NAV3: variants seen among roughly 807,000 people sequenced by gnomAD.
NAV3 encodes the protein neuron navigator 3, also known as pore membrane and/or filament interacting like protein 1.
NAV3 carries 87 observed loss-of-function variants against 244.7 expected under a neutral mutation model. That is an observed-to-expected ratio of 0.36 (90% CI 0.30 to 0.42). NAV3 has a LOEUF of 0.42. Ranked by LOEUF, NAV3 falls within the 20% of genes least tolerant of loss-of-function variation. The probability of loss-of-function intolerance (pLI) is 1.00; values close to 1 mark genes in which losing one functional copy is unlikely to be tolerated. For synonymous variants in NAV3, 1,126 were observed against 1,042.2 expected (o/e 1.08, Z -1.55); for missense variants, 2,663 against 2,893.3 (o/e 0.92, Z 1.83).
chr12:78,040,551 A>C (rs2137072358), intron 9 of NAV3, among the ~76,000 whole-genome samples: 1 of 152,308 alleles, frequency 6.6e-6, no homozygotes, highest in Non-Finnish European at 1.5e-5. Context: ...TTAATATGAA[A>C]AGATGGAACA....
At chr12:77,993,219 T>C (rs968317526) in intron 5 of NAV3, among the ~76,000 whole-genome samples, 2 of 152,304 alleles carry the variant, frequency 1.3e-5, no homozygotes, top group African/African-American at 4.8e-5. Context: ...AAAGAAAATA[T>C]ATTGTTTCAT....
intron 1 of NAV3, among the ~76,000 whole-genome samples, chr12:77,909,146 G>T (rs941024475): frequency 2.6e-5 from 4 of 151,952 alleles, no homozygotes; most frequent in Non-Finnish European, 4.4e-5. Context: ...TCAAAATGTG[G>T]CTACCGTTTT....
At chr12:77,925,027 G>A (rs1177237775) in intron 1 of NAV3, among the ~76,000 whole-genome samples, 7 of 151,846 alleles carry the variant, frequency 4.6e-5, no homozygotes, top group African/African-American at 9.7e-5. Context: ...CTGACTCCAG[G>A]CTCCATACTT....
At chr12:77,745,377 A>T (rs1425765722) in intron 2 of NAV3, among the ~76,000 whole-genome samples, 9 of 152,054 alleles carry the variant, frequency 5.9e-5, no homozygotes, top group Admixed American at 5.9e-4. Flanking sequence ...GACAATGATG[A>T]AGGAGCAAAG....
At chr12:77,578,739 T>A (rs1343509186) in intron 2 of NAV3, among the ~76,000 whole-genome samples, 1 of 152,178 alleles carries the variant, frequency 6.6e-6, no homozygotes, top group African/African-American at 2.4e-5. Flanking sequence ...TGGTCATTTT[T>A]AAAAATAAAC....
chr12:77,800,891 T>G (rs528023171), intron 2 of NAV3, among the ~76,000 whole-genome samples: 12 of 152,246 alleles, frequency 7.9e-5, no homozygotes, highest in African/African-American at 2.6e-4. Flanking sequence ...TTTATTCATC[T>G]AGGACACTCT....
At chr12:77,901,835 A>G (rs1203595122) in intron 1 of NAV3, among the ~76,000 whole-genome samples, 3 of 152,128 alleles carry the variant, frequency 2.0e-5, no homozygotes, top group Admixed American at 1.3e-4. Flanking sequence ...TCTCTTCCTC[A>G]TTAGTTTCTG....
At chr12:78,056,687 C>T (rs1243052137) in intron 11 of NAV3, among the ~76,000 whole-genome samples, 4 of 152,136 alleles carry the variant, frequency 2.6e-5, no homozygotes, top group African/African-American at 9.7e-5. Flanking sequence ...CGAGATCTCA[C>T]CACTGCACCC....
intron 5 of NAV3, among the ~76,000 whole-genome samples, chr12:77,992,389 T>G (rs535760459): frequency 1.3e-5 from 2 of 152,208 alleles, no homozygotes; most frequent in Non-Finnish European, 2.9e-5. Context: ...TATTGATTTC[T>G]CCTCTGTAAT....
intron 2 of NAV3, among the ~76,000 whole-genome samples, chr12:77,651,574 A>G (rs1278627615): frequency 6.6e-6 from 1 of 152,150 alleles, no homozygotes; most frequent in South Asian, 2.1e-4. Context: ...TCTGCCCTTA[A>G]CTGCCTGAGA....
intron 2 of NAV3, among the ~76,000 whole-genome samples, chr12:77,597,211 C>G (rs866841176): frequency 2.0e-5 from 3 of 152,164 alleles, no homozygotes; most frequent in Non-Finnish European, 2.9e-5. Context: ...AGCCTGTTTT[C>G]TCTTTGTTGC....
At chr12:77,692,539 C>T (rs563683484) in intron 2 of NAV3, among the ~76,000 whole-genome samples, 5 of 152,130 alleles carry the variant, frequency 3.3e-5, no homozygotes, top group East Asian at 1.9e-4. Flanking sequence ...CAGTAAACCT[C>T]GCTCTATGCA....
chr12:77,760,566 GT>G (rs1237437418), intron 2 of NAV3, among the ~76,000 whole-genome samples: 8 of 152,116 alleles, frequency 5.3e-5, no homozygotes, highest in Non-Finnish European at 1.5e-5. Context: ...TAAGTAGAAC[GT>G]CAAAGCCATC....
chr12:78,009,445 C>A (rs1268585465), intron 8 of NAV3, among the ~76,000 whole-genome samples: 16 of 69,904 alleles, frequency 2.3e-4, no homozygotes, highest in African/African-American at 2.5e-4. Context: ...GAGGGAAACT[C>A]AAAAAAAAAA....
At chr12:77,869,298 T>G (rs1425514109) in intron 1 of NAV3, among the ~76,000 whole-genome samples, 1 of 152,126 alleles carries the variant, frequency 6.6e-6, no homozygotes, top group Non-Finnish European at 1.5e-5. Flanking sequence ...TAAGTAAATA[T>G]TCTATTGGGG....
chr12:77,695,586 G>A (rs926673325), intron 2 of NAV3, among the ~76,000 whole-genome samples: 42 of 152,060 alleles, frequency 2.8e-4, no homozygotes, highest in Admixed American at 1.9e-3. Context: ...AAACTTGGCC[G>A]GATGACTATT....
intron 2 of NAV3, among the ~76,000 whole-genome samples, chr12:77,723,175 A>C (rs1019560227): frequency 6.6e-6 from 1 of 152,012 alleles, no homozygotes; most frequent in African/African-American, 2.4e-5. Flanking sequence ...TAGAAGTGAC[A>C]ATGGTACTGG....
At chr12:77,887,871 T>C (rs763570444) in intron 1 of NAV3, among the ~76,000 whole-genome samples, 5 of 152,162 alleles carry the variant, frequency 3.3e-5, no homozygotes, top group Non-Finnish European at 5.9e-5. Flanking sequence ...ATAAAATTGA[T>C]GTTATCAGAA....
chr12:78,107,906 G>C (rs951736727), intron 12 of NAV3, among the ~76,000 whole-genome samples: 5 of 151,898 alleles, frequency 3.3e-5, no homozygotes, highest in African/African-American at 1.2e-4. Context: ...AAAAAGAAAG[G>C]AACAAAAATA....
Sources: allele counts gnomAD v4.1 joint callset (sites outside exome capture counted in the v4.1 genomes callset), GRCh38; gene constraint gnomAD v4.1.1; transcripts MANE v1.5; gene names NCBI Gene and HGNC (gene_info 2026-07-23, HGNC 2026-07-21).